The following KIF13A variants were observed in gnomAD, a reference collection of about 807,000 sequenced individuals.
The protein encoded by KIF13A is kinesin-like protein KIF13A.
A neutral mutation model predicts 212.2 loss-of-function variants in KIF13A; 79 were observed. The observed-to-expected ratio is 0.37, with a 90% CI of 0.31 to 0.45. The LOEUF is 0.45. Ranked by LOEUF, KIF13A falls within the 20% of genes least tolerant of loss-of-function variation. The probability of loss-of-function intolerance (pLI) is 1.00; values close to 1 mark genes in which losing one functional copy is unlikely to be tolerated. For synonymous variants in KIF13A, 789 were observed against 808.6 expected (o/e 0.98, Z 0.41); for missense variants, 1,901 against 2,209.0 (o/e 0.86, Z 2.79).
intron 3 of KIF13A, among the ~76,000 whole-genome samples, chr6:17,894,044 T>A (rs1236848391): frequency 1.3e-5 from 2 of 152,056 alleles, no homozygotes; most frequent in Non-Finnish European, 2.9e-5. Context: ...TTCACTGTGT[T>A]AGCCAGGCTG....
chr6:17,804,349 G>A lies in KIF13A; in HGVS notation c.2454+12C>T, dbSNP rs1040367606. On this transcript the variant is annotated intron_variant, in intron 20 of 38. Coordinates refer to ENST00000259711, the MANE Select transcript of KIF13A (RefSeq NM_022113.6). ...GAACCACCATCGTTCTCCAAGGCTG[G>A]CCTGTGCTTACCTCCCCCTGCTGGC... The A allele has an allele frequency of 6.6e-7, 1 of 1,518,136 alleles. No homozygotes were observed. The highest frequency in any genetic ancestry group is 1.4e-5 in the African/African-American group (1 of 72,360). 94.0% of individuals were successfully genotyped at this position (1,518,136 alleles called of 1,614,324 possible).
chr6:17,969,364 AT>A (rs1390608759), intron 2 of KIF13A, among the ~76,000 whole-genome samples: 2 of 152,316 alleles, frequency 1.3e-5, no homozygotes, highest in East Asian at 3.9e-4. Flanking sequence ...CATCTTAGAC[AT>A]AGTATATACT....
At position 17,900,854 on chromosome 6, in the gene KIF13A, G is replaced by A. The variant is rs565373826; in HGVS notation, c.147-2674C>T. ...AGCACTTTGGGAGGCTGAGGCAGGC[G>A]GATCACAAGTTCAGGGGATCGAGAC... is the stretch of plus-strand genomic sequence containing the variant. On this transcript the variant is annotated intron_variant, in intron 2 of 38. Transcript: ENST00000259711. This position sits in a 1 kb window ranked among gnomAD's most constrained non-coding sequence, Gnocchi z 4.6. Among the ~76,000 whole-genome samples, 9 of 152,158 alleles carry A rather than the reference G, an allele frequency of 5.9e-5. No homozygotes were observed. Among genetic ancestry groups the A allele is most frequent in the African/African-American group, 1.7e-4 (7 of 41,508 alleles).
chr6:17,783,596 C>T lies in KIF13A; in HGVS notation c.3544+50G>A, dbSNP rs1760795475. 1 of 1,187,496 alleles carries T rather than the reference C, an allele frequency of 8.4e-7. No homozygotes were observed. The allele number at this position is 1,187,496 out of a possible 1,614,324, so 73.6% of individuals were successfully genotyped here. A position where few individuals can be genotyped will look rare whatever the true frequency, so the allele number is the denominator to read the frequency against. Reference sequence around the variant, plus strand: ...AAATAATGTGAATCTGGATAGATTACAAACCTTAGTTAAATACAATAATCC... The same window carrying T: ...AAATAATGTGAATCTGGATAGATTATAAACCTTAGTTAAATACAATAATCC... On this transcript the variant is annotated intron_variant, in intron 29 of 38. Coordinates refer to ENST00000259711, the MANE Select transcript of KIF13A (RefSeq NM_022113.6). This position sits in a 1 kb window ranked among gnomAD's most constrained non-coding sequence, Gnocchi z 4.3.
Position 17,785,661 on chromosome 6 carries a change from G to A in KIF13A, c.3362-20C>T, listed in dbSNP as rs569790879. 2.5e-6 allele frequency: 4 copies of A among 1,593,898 alleles called. No individual in the cohort carries two copies. The African/African-American group carries it at 5.4e-5, about 21-fold the overall frequency. On this transcript the variant is annotated intron_variant, in intron 27 of 38. Transcript: ENST00000259711. The surrounding 1 kb of genome is among the most constrained non-coding windows in gnomAD (Gnocchi z 5.8). ...TTTTCTCTGCAGAAAAAAATGAGGA[G>A]ATCAATGCCAACAAGAGAGAAAGTA...
intron 22 of KIF13A, among the ~76,000 whole-genome samples, chr6:17,797,881 G>A (rs1762178373): frequency 6.6e-6 from 1 of 152,170 alleles, no homozygotes; most frequent in African/African-American, 2.4e-5. Flanking sequence ...CTGGGCAACA[G>A]AGTGAGACAT....
chr6:17,807,826 T>G (rs1344496340), intron 18 of KIF13A, among the ~76,000 whole-genome samples: 2 of 152,216 alleles, frequency 1.3e-5, no homozygotes, highest in African/African-American at 4.8e-5. Context: ...AAAATTCCTC[T>G]CTTTGTACTC....
chr6:17,779,564 G>A (rs1269166633), intron 32 of KIF13A, 28 bp downstream of exon 32: 9 of 1,038,102 alleles, frequency 8.7e-6, no homozygotes, highest in East Asian at 7.8e-5. Flanking sequence ...GAGCCACTGC[G>A]CCCGGCCTAA....
At chr6:17,943,198 T>G (rs1001320759) in intron 2 of KIF13A, among the ~76,000 whole-genome samples, 1 of 152,166 alleles carries the variant, frequency 6.6e-6, no homozygotes, top group African/African-American at 2.4e-5. Context: ...AACTACACCA[T>G]GATGCATTAT....
chr6:17,763,495 A>AAAAAT (rs61278734), downstream of KIF13A, among the ~76,000 whole-genome samples: 16 of 145,336 alleles, frequency 1.1e-4, no homozygotes, highest in African/African-American at 4.2e-4. Flanking sequence ...AAAAAAAAAA[A>AAAAAT]GAAAAAAGAA....
intron 2 of KIF13A, among the ~76,000 whole-genome samples, chr6:17,924,408 A>C (rs1183860571): frequency 6.6e-6 from 1 of 152,202 alleles, no homozygotes; most frequent in Non-Finnish European, 1.5e-5. Flanking sequence ...TGTTACTTAA[A>C]AGTTCAATGT....
chr6:17,770,361 ATTTTTTTTTTTTTT>A (rs200616640), intron 38 of KIF13A: 1 of 119,446 alleles, frequency 8.4e-6, no homozygotes, highest in Non-Finnish European at 1.7e-5. Context: ...AATAAACAGG[ATTTTTTTTTTTTTT>A]TTTTTTTTTG....
In KIF13A at chr6:17,982,520, G is replaced by A. The variant is rs1049605489; in HGVS notation, c.146+4534C>T. 1.8e-5 allele frequency: 12 copies of A among 658,614 alleles called. No homozygotes were observed. The highest frequency in any genetic ancestry group is 1.4e-4 in the East Asian group (1 of 7,342). 40.8% of individuals were successfully genotyped at this position (658,614 alleles called of 1,614,324 possible). ...TTCTTCAACTGACCCTCCCTCACAC[G>A]ATTTGCAAGGTGTATTGTTCATCCT... On this transcript the variant is annotated intron_variant, in intron 2 of 38. Coordinates refer to ENST00000259711, the MANE Select transcript of KIF13A (RefSeq NM_022113.6). This position sits in a 1 kb window ranked among gnomAD's most constrained non-coding sequence, Gnocchi z 5.1.
chr6:17,976,538 C>T (rs1050487536), intron 2 of KIF13A, among the ~76,000 whole-genome samples: 21 of 152,272 alleles, frequency 1.4e-4, no homozygotes, highest in African/African-American at 4.3e-4. Context: ...GCAAGCGCGG[C>T]GCGCAGCCCC....
intron 3 of KIF13A, among the ~76,000 whole-genome samples, chr6:17,889,039 A>C (rs908405970): frequency 5.3e-5 from 8 of 152,188 alleles, no homozygotes; most frequent in Non-Finnish European, 1.2e-4. Flanking sequence ...TGAATAGTAC[A>C]GGTCTAGAAC....
intron 18 of KIF13A, among the ~76,000 whole-genome samples, chr6:17,807,792 T>C (rs1763093379): frequency 6.6e-6 from 1 of 151,740 alleles, no homozygotes. Context: ...CGATATGTGA[T>C]GTCACCCCCG....
In KIF13A at chr6:17,785,344, G is replaced by A. The variant is rs1264421439; in HGVS notation, c.3488+171C>T. ...CTTCCTGTGGGAGAAAGTTGGCTTC[G>A]GTGGGGAAGGAAAAAAAGGGATGGA... On this transcript the variant is annotated intron_variant, in intron 28 of 38. Coordinates refer to ENST00000259711, the MANE Select transcript of KIF13A (RefSeq NM_022113.6). The surrounding 1 kb of genome is among the most constrained non-coding windows in gnomAD (Gnocchi z 5.8). 6.6e-6 allele frequency among the ~76,000 whole-genome samples: 1 copy of A among 152,154 alleles called. No individual in the cohort carries two copies. The highest frequency in any genetic ancestry group is 1.5e-5 in the Non-Finnish European group (1 of 68,034).
chr6:17,764,683 A>C lies in KIF13A; in HGVS notation c.4845T>G (p.Pro1615=), dbSNP rs1208241561. 1 of 1,613,752 alleles carries C rather than the reference A, an allele frequency of 6.2e-7. No homozygotes were observed. The highest frequency in any genetic ancestry group is 2.2e-5 in the East Asian group (1 of 44,882). The change falls in exon 39 of 39, where the codon CCT becomes CCG. Residue 1615 remains proline (P), a synonymous_variant. Transcript: ENST00000259711. This position sits in a 1 kb window ranked among gnomAD's most constrained non-coding sequence, Gnocchi z 5.1. The part of the protein sequence containing the change: ...SNATLSDMVV[P]SSDSSDQLAI... ...CCAGCTGGTCTGAGCTGTCACTAGAAGGGACCACCATGTCAGACAGGGTGG... is the reference window on the plus strand; with the variant it reads ...CCAGCTGGTCTGAGCTGTCACTAGACGGGACCACCATGTCAGACAGGGTGG...
At chr6:17,805,742 T>G in intron 18 of KIF13A, 127 bp from the exon 19 acceptor site, 1 of 789,372 alleles carries the variant, frequency 1.3e-6, no homozygotes, top group Non-Finnish European at 2.0e-6. Context: ...GAAGATAAAA[T>G]TCTACCACCT....
Sources: allele counts gnomAD v4.1 joint callset (sites outside exome capture counted in the v4.1 genomes callset), GRCh38; gene constraint gnomAD v4.1.1; non-coding constraint Gnocchi (gnomAD v3.1); transcripts MANE v1.5; gene names NCBI Gene and HGNC (gene_info 2026-07-23, HGNC 2026-07-21).